Variants in FSTL5 observed in about 807,000 individuals in gnomAD.
FSTL5 encodes the protein follistatin-related protein 5.
In FSTL5, 62 loss-of-function variants were observed where a neutral mutation model predicts 89.1. The ratio of observed to expected loss-of-function variants is 0.70; its 90% confidence interval spans 0.57 to 0.86. FSTL5 has a LOEUF of 0.86. Ranked by LOEUF, FSTL5 falls within the 40% of genes least tolerant of loss-of-function variation. The pLI, the probability that FSTL5 is intolerant of heterozygous loss-of-function variation, is 0.00. For missense variants in FSTL5, 1,057 were observed against 1,001.6 expected (o/e 1.06, Z -0.75); for synonymous variants, 383 against 346.2 (o/e 1.11, Z -1.18).
chr4:162,016,544 T>A (rs1021352791), intron 3 of FSTL5, among the ~76,000 whole-genome samples: 1 of 152,164 alleles, frequency 6.6e-6, no homozygotes, highest in African/African-American at 2.4e-5. Context: ...TAAAGGAGCT[T>A]GATAATGGAT....
At chr4:161,779,835 A>ACATATATATATGTATATATATATG (rs1741595358) in intron 4 of FSTL5, among the ~76,000 whole-genome samples, 1 of 117,026 alleles carries the variant, frequency 8.5e-6, no homozygotes. Flanking sequence ...ATATATATAT[A>ACATATATATATGTATATATATATG]TGTATATAAA....
chr4:161,574,440 C>T (rs1733140920), intron 8 of FSTL5, among the ~76,000 whole-genome samples: 2 of 151,324 alleles, frequency 1.3e-5, no homozygotes, highest in Admixed American at 1.3e-4. Flanking sequence ...TGGTTTGCTG[C>T]ACCTATCAAC....
chr4:161,851,725 G>C (rs1280834395), intron 4 of FSTL5, among the ~76,000 whole-genome samples: 1 of 142,390 alleles, frequency 7.0e-6, no homozygotes, highest in Non-Finnish European at 1.5e-5. Context: ...TAGAGTCATA[G>C]ATATTTCCTC....
intron 6 of FSTL5, among the ~76,000 whole-genome samples, chr4:161,659,868 C>T (rs1486574383): frequency 6.6e-6 from 1 of 152,156 alleles, no homozygotes; most frequent in Non-Finnish European, 1.5e-5. Flanking sequence ...TATATGCAAA[C>T]AGCTTATGCT....
chr4:161,572,890 A>T (rs1295027918), intron 8 of FSTL5, among the ~76,000 whole-genome samples: 1 of 152,174 alleles, frequency 6.6e-6, no homozygotes, highest in Non-Finnish European at 1.5e-5. Flanking sequence ...AGTAAGAAAA[A>T]ACATAGAGCA....
intron 15 of FSTL5, among the ~76,000 whole-genome samples, chr4:161,432,147 C>T (rs147517302): frequency 1.3e-3 from 204 of 152,174 alleles, no homozygotes; most frequent in Non-Finnish European, 2.4e-3. Context: ...CCAATGGCTT[C>T]AGAATACACA....
At chr4:162,153,663 T>TATATATATATTATATATGTATATAATA (rs1733325933) in intron 1 of FSTL5, among the ~76,000 whole-genome samples, 1 of 135,778 alleles carries the variant, frequency 7.4e-6, no homozygotes, top group Non-Finnish European at 1.6e-5. Context: ...ATGTATATAA[T>TATATATATATTATATATGTATATAATA]ATATGTATAT....
At chr4:161,426,159 TA>T (rs1296280793) in intron 15 of FSTL5, among the ~76,000 whole-genome samples, 2 of 152,162 alleles carry the variant, frequency 1.3e-5, no homozygotes, top group African/African-American at 4.8e-5. Context: ...ATATAATGAT[TA>T]AATTTTTGAA....
In FSTL5 at chr4:162,047,756, C is replaced by T. The variant is rs572338984; in HGVS notation, c.127-14098G>A. 1.6e-3 allele frequency among the ~76,000 whole-genome samples: 249 copies of T among 151,850 alleles called. 2 individuals carry two copies. The highest frequency in any genetic ancestry group is 3.0e-3 in the Non-Finnish European group (205 of 67,934). ...AGGAGAATTGCTTGAACCTGGGAGG[C>T]GGAGGTTGCAGTGAGCTGAGATCGC... On this transcript the variant is annotated intron_variant, in intron 2 of 15. Coordinates refer to ENST00000306100, the MANE Select transcript of FSTL5 (RefSeq NM_020116.5).
intron 1 of FSTL5, among the ~76,000 whole-genome samples, chr4:162,160,629 G>A (rs1051166845): frequency 1.3e-5 from 2 of 151,298 alleles, no homozygotes; most frequent in African/African-American, 4.8e-5. Context: ...AAGGCCTTTG[G>A]GTCTTATTGA....
At chr4:162,139,007 C>A (rs1258495304) in intron 1 of FSTL5, among the ~76,000 whole-genome samples, 2 of 152,100 alleles carry the variant, frequency 1.3e-5, no homozygotes, top group African/African-American at 4.8e-5. Context: ...CAATATTCCT[C>A]AAACTGAGTT....
chr4:161,865,188 C>A (rs1192383378), intron 4 of FSTL5, among the ~76,000 whole-genome samples: 1 of 151,996 alleles, frequency 6.6e-6, no homozygotes, highest in Non-Finnish European at 1.5e-5. Context: ...ATAAAATACA[C>A]AATGCTCAGA....
At chr4:161,783,539 T>G (rs191888333) in intron 4 of FSTL5, among the ~76,000 whole-genome samples, 1 of 151,776 alleles carries the variant, frequency 6.6e-6, no homozygotes, top group East Asian at 1.9e-4. Flanking sequence ...TTTCTTTCAG[T>G]GCATTATGTC....
At chr4:161,538,036 C>T (rs2053554276) in intron 10 of FSTL5, 130 bp downstream of exon 10, 6 of 776,450 alleles carry the variant, frequency 7.7e-6, no homozygotes, top group Admixed American at 5.0e-5. Context: ...ATCCTTCCTA[C>T]GTATAAAATC....
At chr4:161,827,498 T>C (rs1219396258) in intron 4 of FSTL5, among the ~76,000 whole-genome samples, 3 of 152,058 alleles carry the variant, frequency 2.0e-5, no homozygotes, top group African/African-American at 7.2e-5. Context: ...AGGTGGTGAG[T>C]GGGGGCTTAG....
At position 161,940,547 on chromosome 4, in the gene FSTL5, C is replaced by T. The variant is rs193112842; in HGVS notation, c.161-19895G>A. The stretch of plus-strand genomic sequence containing the variant: ...AACTTGCCCTATTTAAAAAAAAAAA[C>T]TTCAATACAAATAACAGCTGATTTT... On this transcript the variant is annotated intron_variant, in intron 3 of 15. Transcript: ENST00000306100. Among the ~76,000 whole-genome samples the T allele has an allele frequency of 2.1e-3, 317 of 151,002 alleles. 1 individual carries two copies. The highest frequency in any genetic ancestry group is 7.3e-3 in the African/African-American group (300 of 41,206).
intron 4 of FSTL5, among the ~76,000 whole-genome samples, chr4:161,817,878 G>C (rs576358959): frequency 1.3e-5 from 2 of 152,038 alleles, no homozygotes; most frequent in East Asian, 1.9e-4. Flanking sequence ...GGAAGAGCGT[G>C]GTCCCTTTAA....
chr4:161,613,607 A>G lies in FSTL5; in HGVS notation c.895-26032T>C, dbSNP rs139203685. ...GGGAGACCGAAGAAAAAAATCTCCA[A>G]TGACTTCTTCAAATATCATCCACCA... On this transcript the variant is annotated intron_variant, in intron 7 of 15. Transcript: ENST00000306100. 1.8e-3 allele frequency among the ~76,000 whole-genome samples: 267 copies of G among 152,258 alleles called. 5 individuals carry two copies. In the East Asian group the frequency reaches 0.045, roughly 25 times the overall value.
chr4:161,693,069 T>C (rs1478592865), intron 6 of FSTL5, among the ~76,000 whole-genome samples: 1 of 152,094 alleles, frequency 6.6e-6, no homozygotes, highest in African/African-American at 2.4e-5. Flanking sequence ...TGTGACACAA[T>C]TTTTGTTTAT....
Sources: allele counts gnomAD v4.1 joint callset (sites outside exome capture counted in the v4.1 genomes callset), GRCh38; gene constraint gnomAD v4.1.1; transcripts MANE v1.5; gene names NCBI Gene and HGNC (gene_info 2026-07-23, HGNC 2026-07-21).